ASTN2: variants seen among roughly 807,000 people sequenced by gnomAD.
The protein encoded by ASTN2 is astrotactin-2.
Under a neutral mutation model 139.8 loss-of-function variants are expected in ASTN2, and 54 were observed. The ratio of observed to expected loss-of-function variants is 0.39; its 90% CI spans 0.31 to 0.48. The LOEUF is 0.48. Ranked by LOEUF, ASTN2 falls within the 20% of genes least tolerant of loss-of-function variation. The probability of loss-of-function intolerance (pLI) is 0.95; values close to 1 mark genes in which losing one functional copy is unlikely to be tolerated. For missense variants in ASTN2, 1,565 were observed against 1,725.1 expected, an observed-to-expected ratio of 0.91 and a Z score of 1.64; for synonymous variants, 756 against 719.5, an observed-to-expected ratio of 1.05 and a Z score of -0.81.
intron 4 of ASTN2, among the ~76,000 whole-genome samples, chr9:117,133,278 C>T (rs1829866953): frequency 6.6e-6 from 1 of 152,194 alleles, no homozygotes; most frequent in African/African-American, 2.4e-5. Flanking sequence ...CAAACATTAA[C>T]TAATTCTCCC....
intron 10 of ASTN2, among the ~76,000 whole-genome samples, chr9:116,928,083 G>C (rs1445691498): frequency 6.6e-6 from 1 of 152,082 alleles, no homozygotes; most frequent in Non-Finnish European, 1.5e-5. Flanking sequence ...TGCTATCCCT[G>C]ATCTCCCAAC....
intron 19 of ASTN2, among the ~76,000 whole-genome samples, chr9:116,562,789 G>A (rs1170380608): frequency 6.7e-6 from 1 of 149,492 alleles, no homozygotes; most frequent in South Asian, 2.2e-4. Flanking sequence ...AAGGTTATGC[G>A]TGATTTTGAA....
rs115438737 is a variant in ASTN2 at position 116,925,380 on chromosome 9, A to T, written c.1889+49828T>A. Among the ~76,000 whole-genome samples, 517 of 152,318 alleles carry T rather than the reference A, an allele frequency of 3.4e-3. 5 individuals are homozygous for T. Among genetic ancestry groups the T allele is most frequent in the African/African-American group, 0.012 (485 of 41,572 alleles). On this transcript the variant is annotated intron_variant, in intron 10 of 22. Transcript: ENST00000313400. ...AGAAGGAATGCCCACCTATCATGAT[A>T]GTCATTTTTCAAGTAGCTGTGTAAT...
At chr9:116,650,643 T>C (rs1403519640) in intron 17 of ASTN2, among the ~76,000 whole-genome samples, 1 of 152,166 alleles carries the variant, frequency 6.6e-6, no homozygotes, top group Non-Finnish European at 1.5e-5. Context: ...GCAAGTATTG[T>C]ACTGAGGTAG....
At chr9:116,753,903 G>A (rs1287011845) in intron 13 of ASTN2, among the ~76,000 whole-genome samples, 4 of 151,704 alleles carry the variant, frequency 2.6e-5, no homozygotes, top group East Asian at 1.9e-4. Context: ...ACCTCAACAC[G>A]TCACCTACAT....
At position 116,451,451 on chromosome 9, in the gene ASTN2, T is replaced by TA. The variant is rs34420505; in HGVS notation, c.3498-8899dup. Reference sequence around the variant, plus strand: ...CTGCTAAGCACGGAAGAAACACCCATAAAAAAAAAAAGAGTGGGGTTTTTG... The same window carrying TA: ...CTGCTAAGCACGGAAGAAACACCCATAAAAAAAAAAAAGAGTGGGGTTTTTG... On this transcript the variant is annotated intron_variant, in intron 20 of 22. Coordinates refer to ENST00000313400, the MANE Select transcript of ASTN2 (RefSeq NM_001365068.1). Among the ~76,000 whole-genome samples the TA allele has an allele frequency of 0.014, 1,961 of 145,186 alleles. 179 individuals carry two copies. In the South Asian group the frequency reaches 0.21, roughly 16 times the overall value.
chr9:117,075,310 C>G (rs1436039539), intron 5 of ASTN2, among the ~76,000 whole-genome samples: 1 of 152,184 alleles, frequency 6.6e-6, no homozygotes, highest in Non-Finnish European at 1.5e-5. Flanking sequence ...AGCACAGCGT[C>G]AGCGCCTCTG....
At chr9:116,582,375 A>G (rs1179881550) in intron 19 of ASTN2, 2 of 152,234 alleles carry the variant, frequency 1.3e-5, no homozygotes, top group African/African-American at 4.8e-5. Context: ...CATGAAAGGA[A>G]GAATACAAAT....
chr9:116,558,568 C>T (rs750642893), intron 19 of ASTN2, among the ~76,000 whole-genome samples: 8 of 151,956 alleles, frequency 5.3e-5, no homozygotes, highest in Non-Finnish European at 8.8e-5. Context: ...TTGCTTTGGC[C>T]CAGGAAGTTC....
At chr9:116,658,731 C>CTATT (rs1858374412) in intron 16 of ASTN2, among the ~76,000 whole-genome samples, 3 of 85,420 alleles carry the variant, frequency 3.5e-5, no homozygotes, top group Admixed American at 1.5e-4. Flanking sequence ...CTGACCACCG[C>CTATT]TCTTTTTTTT....
intron 3 of ASTN2, among the ~76,000 whole-genome samples, chr9:117,206,308 GA>G (rs1297497775): frequency 2.6e-5 from 4 of 152,084 alleles, no homozygotes; most frequent in Admixed American, 6.5e-5. Context: ...TCACTGTGGG[GA>G]AAAGATAAGC....
At chr9:117,374,267 A>C (rs1830062471) in intron 1 of ASTN2, among the ~76,000 whole-genome samples, 1 of 151,216 alleles carries the variant, frequency 6.6e-6, no homozygotes, top group Non-Finnish European at 1.5e-5. Flanking sequence ...TGCTGGCAGG[A>C]CCCATGTCTT....
In ASTN2 at chr9:116,680,035, G is replaced by C. The variant is rs1017758393; in HGVS notation, c.2807-28242C>G. Among the ~76,000 whole-genome samples, 12 of 152,222 alleles carry C rather than the reference G, an allele frequency of 7.9e-5. No individual in the cohort carries two copies. In the South Asian group the frequency reaches 1.5e-3, roughly 18 times the overall value. ...AAATAACTAAAATCAGAGCAGAAGT[G>C]AAGGAAATAGAGACACAAAAAACCC... On this transcript the variant is annotated intron_variant, in intron 16 of 22. Transcript: ENST00000313400.
intron 1 of ASTN2, among the ~76,000 whole-genome samples, chr9:117,397,355 A>T (rs185344949): frequency 6.6e-6 from 1 of 152,362 alleles, no homozygotes; most frequent in East Asian, 1.9e-4. Context: ...TAAGTTGATT[A>T]TACTATTTAA....
intron 19 of ASTN2, among the ~76,000 whole-genome samples, chr9:116,507,738 T>G (rs1464431685): frequency 6.6e-6 from 1 of 152,172 alleles, no homozygotes; most frequent in Non-Finnish European, 1.5e-5. Context: ...TCTGATGTGT[T>G]CTTTCTGTCC....
At chr9:117,103,128 T>C (rs930589050) in intron 4 of ASTN2, among the ~76,000 whole-genome samples, 2 of 152,270 alleles carry the variant, frequency 1.3e-5, no homozygotes, top group Middle Eastern at 3.4e-3. Context: ...CACTCATTTG[T>C]TTATGCATTC....
intron 4 of ASTN2, among the ~76,000 whole-genome samples, chr9:117,131,194 C>A (rs1829819250): frequency 6.6e-6 from 1 of 152,132 alleles, no homozygotes; most frequent in African/African-American, 2.4e-5. Context: ...AATCCCCTAC[C>A]ACACTCAAAG....
intron 19 of ASTN2, among the ~76,000 whole-genome samples, 182 bp from the exon 20 acceptor site, chr9:116,487,682 T>C (rs1242680384): frequency 2.0e-5 from 3 of 152,234 alleles, no homozygotes; most frequent in Non-Finnish European, 4.4e-5. Flanking sequence ...TTTGTTCATA[T>C]TTATGCGCAA....
chr9:116,598,214 T>C (rs944083111), intron 19 of ASTN2, among the ~76,000 whole-genome samples: 3 of 152,124 alleles, frequency 2.0e-5, no homozygotes, highest in Non-Finnish European at 4.4e-5. Flanking sequence ...TAGGACAGAA[T>C]GACTCAGGAA....
Sources: allele counts gnomAD v4.1 joint callset (sites outside exome capture counted in the v4.1 genomes callset), GRCh38; gene constraint gnomAD v4.1.1; transcripts MANE v1.5; gene names NCBI Gene and HGNC (gene_info 2026-07-23, HGNC 2026-07-21).